The following ZDHHC8 variants were observed in gnomAD, a reference collection of about 807,000 sequenced individuals.
ZDHHC8 encodes the protein palmitoyltransferase ZDHHC8.
In ZDHHC8, 24 loss-of-function variants were observed where a neutral mutation model predicts 61.2. The ratio of observed to expected loss-of-function variants is 0.39; its 90% CI spans 0.28 to 0.55. The LOEUF is 0.55. Among genes scored for constraint, ZDHHC8 ranks in the 20% least tolerant of loss-of-function variants. ZDHHC8 has a pLI of 0.60. For missense variants in ZDHHC8, 935 were observed against 1,102.1 expected, an observed-to-expected ratio of 0.85 and a Z score of 2.15; for synonymous variants, 523 against 492.5, an observed-to-expected ratio of 1.06 and a Z score of -0.82.
At chr22:20,141,126 C>G in intron 7 of ZDHHC8, 91 bp from the exon 8 acceptor site, 2 of 1,585,720 alleles carry the variant, frequency 1.3e-6, no homozygotes, top group East Asian at 2.2e-5. Context: ...TAGACAGATT[C>G]TTGGGAGGGG....
In ZDHHC8 at chr22:20,146,651, G is replaced by T. The variant is rs1183716568; in HGVS notation, c.*1251G>T. The T allele has an allele frequency of 1.2e-5, 12 of 1,024,262 alleles. No individual in the cohort carries two copies. The Admixed American group carries it at 5.2e-4, about 44-fold the overall frequency. 63.4% of individuals were successfully genotyped at this position (1,024,262 alleles called of 1,614,324 possible). On this transcript the variant is annotated 3_prime_UTR_variant, in exon 11 of 11. Coordinates refer to ENST00000334554, the MANE Select transcript of ZDHHC8 (RefSeq NM_013373.4). ...AGGGGGCGGCCGATGGTCTGTGGCT[G>T]GGAAGTGTGAGGGTCTCTCGCCTTG...
Position 20,147,119 on chromosome 22 carries a change from G to T in ZDHHC8, c.*1719G>T. ...TGCCACCTTGGCCGCCCGGAGGACC[G>T]CCCACCACTGCGGGCCCCCTGGAGC... On this transcript the variant is annotated 3_prime_UTR_variant, in exon 11 of 11. Transcript: ENST00000334554. 1.3e-6 allele frequency: 2 copies of T among 1,533,512 alleles called. No individual in the cohort carries two copies. The highest frequency in any genetic ancestry group is 1.4e-5 in the African/African-American group (1 of 71,958). The allele number at this position is 1,533,512 out of a possible 1,614,324, so 95.0% of individuals were successfully genotyped here. A position where few individuals can be genotyped will look rare whatever the true frequency, so the allele number is the denominator to read the frequency against.
At chr22:20,140,845 C>G (rs746743071) in intron 6 of ZDHHC8, 26 bp from the exon 7 acceptor site, 1 of 1,596,416 alleles carries the variant, frequency 6.3e-7, no homozygotes, top group Non-Finnish European at 8.5e-7. Flanking sequence ...GGTGGGCTGG[C>G]TACTGACCCC....
In ZDHHC8 at chr22:20,140,149, A is replaced by G; in HGVS notation, c.592A>G (p.Ile198Val). The G allele has an allele frequency of 6.2e-7, 1 of 1,613,616 alleles. No homozygotes were observed. Among genetic ancestry groups the G allele is most frequent in the Non-Finnish European group, 8.5e-7 (1 of 1,179,990 alleles). ...AVMCVAGLFF[I>V]PVIGLTGFHV... ...CATGTGTGTGGCCGGCCTCTTCTTC[A>G]TCCCTGTCATTGGCCTCACTGGCTT... The change falls in exon 5 of 11, where the codon ATC (isoleucine) becomes GTC (valine). Residue 198 changes from isoleucine (I) to valine (V), a missense_variant. Ile to Val is a conservative substitution (Grantham distance 29). Around this residue, in one of 3 missense-constraint regions of ZDHHC8, gnomAD observed 199 missense variants for 334.0 expected, o/e 0.60. Coordinates refer to ENST00000334554, the MANE Select transcript of ZDHHC8 (RefSeq NM_013373.4).
chr22:20,139,650 GC>G lies in ZDHHC8; in HGVS notation c.384+19del. On this transcript the variant is annotated intron_variant, in intron 3 of 10. Coordinates refer to ENST00000334554, the MANE Select transcript of ZDHHC8 (RefSeq NM_013373.4). Reference sequence around the variant, plus strand: ...ACTGTGTAGAGGTGACCGCCCTGCTGCCCCGCGCTCCCCCAGCCCTGTGCCA... The same window carrying G: ...ACTGTGTAGAGGTGACCGCCCTGCTGCCCGCGCTCCCCCAGCCCTGTGCCA... 1 of 1,611,676 alleles carries G rather than the reference GC, an allele frequency of 6.2e-7. No homozygotes were observed. Among genetic ancestry groups the G allele is most frequent in the Non-Finnish European group, 8.5e-7 (1 of 1,179,686 alleles).
Position 20,143,426 on chromosome 22 carries a change from G to A in ZDHHC8, c.1796G>A (p.Gly599Asp), listed in dbSNP as rs2050492914. ...QASVLSEGPR[G>D]PALRYGSRDD... ...AGTGTGCTGTCCGAGGGCCCCCGAG[G>A]TCCCGCGCTGCGCTATGGCTCCAGA... Residue 599 changes from glycine (G) to aspartate (D), a missense_variant, in exon 10 of 11, where the codon GGT becomes GAT. Transcript: ENST00000334554. The A allele has an allele frequency of 6.3e-7, 1 of 1,598,352 alleles. No homozygotes were observed. Among genetic ancestry groups the A allele is most frequent in the East Asian group, 2.2e-5 (1 of 44,634 alleles).
At position 20,132,048 on chromosome 22, in the gene ZDHHC8, T is replaced by C; in HGVS notation, c.101T>C (p.Phe34Ser). The change falls in exon 1 of 11, where the codon TTC becomes TCC. Residue 34 changes from phenylalanine (F) to serine (S), a missense_variant. By Grantham distance (155) the Phe-to-Ser change is radical (BLOSUM62 -2). Transcript: ENST00000334554. ...LVGSSTLFFV[F>S]TCPWLTRAVS... ...GGCTCCAGCACCCTCTTCTTCGTGT[T>C]CACGTGAGTCGGCGCCGCGTCTGGG... is the stretch of plus-strand genomic sequence containing the variant. The C allele has an allele frequency of 7.6e-7, 1 of 1,321,338 alleles. No individual in the cohort carries two copies. Among genetic ancestry groups the C allele is most frequent in the Non-Finnish European group, 9.8e-7 (1 of 1,017,682 alleles). The allele number at this position is 1,321,338 out of a possible 1,614,324, so 81.9% of individuals were successfully genotyped here.
intron 1 of ZDHHC8, among the ~76,000 whole-genome samples, chr22:20,138,309 C>A (rs1266849780): frequency 6.6e-6 from 1 of 152,222 alleles, no homozygotes; most frequent in African/African-American, 2.4e-5. Flanking sequence ...TCAGGGTGCG[C>A]AGGGGAGAGA....
In ZDHHC8 at chr22:20,143,508, G is replaced by A. The variant is rs565672691; in HGVS notation, c.1878G>A (p.Thr626=). The change falls in exon 10 of 11, where the codon ACG becomes ACA. Residue 626 remains threonine, a synonymous_variant. Coordinates refer to ENST00000334554, the MANE Select transcript of ZDHHC8 (RefSeq NM_013373.4). ...FGGARNPALQ[T]SLSSLSSSVS... ...GCGCCCGCAACCCTGCCCTGCAGAC[G>A]TCACTGTCCTCGCTGTCCAGCTCCG... 1.2e-5 allele frequency: 19 copies of A among 1,600,728 alleles called. No homozygotes were observed. The African/African-American group carries it at 1.5e-4, about 12-fold the overall frequency.
chr22:20,137,403 G>C (rs557592271), intron 1 of ZDHHC8, among the ~76,000 whole-genome samples: 1 of 152,380 alleles, frequency 6.6e-6, no homozygotes, highest in South Asian at 2.1e-4. Flanking sequence ...CGCAGGTGCA[G>C]AGGGGCCCCG....
intron 1 of ZDHHC8, among the ~76,000 whole-genome samples, chr22:20,137,398 G>T (rs1188379861): frequency 6.6e-6 from 1 of 152,242 alleles, no homozygotes; most frequent in Non-Finnish European, 1.5e-5. Flanking sequence ...GCCAGCGCAG[G>T]TGCAGAGGGG....
At chr22:20,139,147 G>T (rs769398927) in intron 1 of ZDHHC8, 47 bp from the exon 2 acceptor site, 2 of 1,592,146 alleles carry the variant, frequency 1.3e-6, no homozygotes, top group Non-Finnish European at 8.5e-7. Flanking sequence ...GCCTGCATCC[G>T]CTCTGCACCC....
At chr22:20,135,463 G>C (rs776919241) in intron 1 of ZDHHC8, among the ~76,000 whole-genome samples, 9 of 152,220 alleles carry the variant, frequency 5.9e-5, no homozygotes, top group Non-Finnish European at 1.0e-4. Context: ...GCCAGTGCCT[G>C]GGGCTGAGCC....
intron 10 of ZDHHC8, among the ~76,000 whole-genome samples, chr22:20,144,762 CAAG>C (rs754946365): frequency 1.3e-5 from 2 of 152,344 alleles, no homozygotes. Flanking sequence ...GCTCTCGCCT[CAAG>C]AAGGTTTAAG....
In ZDHHC8 at chr22:20,141,274, C is replaced by T. The variant is rs1430991941; in HGVS notation, c.952C>T (p.Pro318Ser). 7 of 1,612,646 alleles carry T rather than the reference C, an allele frequency of 4.3e-6. No individual in the cohort carries two copies. The highest frequency in any genetic ancestry group is 3.3e-5 in the Admixed American group (2 of 59,984). Residue 318 changes from proline to serine, a missense_variant, in exon 8 of 11, where the codon CCC (proline) becomes TCC (serine). Transcript: ENST00000334554. Reference sequence around the variant, plus strand: ...GCCACTGGACTTGGGGCCACCACTGCCCCCCAAGATAGAGGCTGGCACGTT... The same window carrying T: ...GCCACTGGACTTGGGGCCACCACTGTCCCCCAAGATAGAGGCTGGCACGTT... ...EKPLDLGPPL[P>S]PKIEAGTFSS...
rs1362556097 is a variant in ZDHHC8 at position 20,147,016 on chromosome 22, C to T, written c.*1616C>T. 43 of 1,404,470 alleles carry T rather than the reference C, an allele frequency of 3.1e-5. No individual in the cohort carries two copies. Among genetic ancestry groups the T allele is most frequent in the East Asian group, 5.9e-5 (2 of 33,954 alleles). 87.0% of individuals were successfully genotyped at this position (1,404,470 alleles called of 1,614,324 possible). On this transcript the variant is annotated 3_prime_UTR_variant, in exon 11 of 11. Coordinates refer to ENST00000334554, the MANE Select transcript of ZDHHC8 (RefSeq NM_013373.4). ...CTTCTCTCTCACGGACGCCGCGGCC[C>T]GCAGGGGGCGGATTGGCACCTGCAC...
chr22:20,146,535 A>G lies in ZDHHC8; in HGVS notation c.*1135A>G, dbSNP rs957024950. The G allele has an allele frequency of 3.0e-6, 3 of 989,776 alleles. No individual in the cohort carries two copies. The African/African-American group carries it at 5.2e-5, about 17-fold the overall frequency. The allele number at this position is 989,776 out of a possible 1,614,324, so 61.3% of individuals were successfully genotyped here. A position where few individuals can be genotyped will look rare whatever the true frequency, so the allele number is the denominator to read the frequency against. On this transcript the variant is annotated 3_prime_UTR_variant, in exon 11 of 11. Transcript: ENST00000334554. ...GGGGAGGGCAGGGGCCGGGCCCCAG[A>G]AGAGGGAGTGGCTGCTGTCTGGTGT...
At chr22:20,138,834 C>T (rs1602569271) in intron 1 of ZDHHC8, among the ~76,000 whole-genome samples, 1 of 152,288 alleles carries the variant, frequency 6.6e-6, no homozygotes, top group East Asian at 1.9e-4. Context: ...CATTTTCCAT[C>T]TGGGGCTCCC....
At chr22:20,144,581 G>A (rs1443361121) in intron 10 of ZDHHC8, among the ~76,000 whole-genome samples, 2 of 152,250 alleles carry the variant, frequency 1.3e-5, no homozygotes, top group African/African-American at 4.8e-5. Context: ...AAGGGGCTGA[G>A]GGCACAGCAG....
Sources: allele counts gnomAD v4.1 joint callset (sites outside exome capture counted in the v4.1 genomes callset), GRCh38; gene constraint gnomAD v4.1.1; regional missense constraint gnomAD v4.1.1; transcripts MANE v1.5; gene names NCBI Gene and HGNC (gene_info 2026-07-23, HGNC 2026-07-21).